The following ARID1B variants were observed in gnomAD, a reference collection of about 807,000 sequenced individuals.
ARID1B encodes AT-rich interactive domain-containing protein 1B.
A neutral mutation model predicts 212.3 loss-of-function variants in ARID1B; 30 were observed. That is an observed-to-expected ratio of 0.14 (90% CI 0.11 to 0.19). The LOEUF is 0.19. ARID1B is among the 10% of genes least tolerant of loss of function. The pLI, the probability that ARID1B is intolerant of heterozygous loss-of-function variation, is 1.00. For missense variants in ARID1B, 2,891 were observed against 3,204.0 expected (o/e 0.90, Z 2.36); for synonymous variants, 1,402 against 1,301.7 (o/e 1.08, Z -1.66).
intron 4 of ARID1B, among the ~76,000 whole-genome samples, chr6:157,013,280 C>G (rs1779721116): frequency 6.6e-6 from 1 of 152,208 alleles, no homozygotes; most frequent in African/African-American, 2.4e-5. Context: ...AGCTCAGTCC[C>G]AACCTAAGTT....
intron 5 of ARID1B, among the ~76,000 whole-genome samples, chr6:157,092,583 A>G (rs1326208035): frequency 6.6e-6 from 1 of 152,240 alleles, no homozygotes; most frequent in Non-Finnish European, 1.5e-5. Flanking sequence ...AATCTTTTCA[A>G]TCTTTCATTC....
At chr6:157,154,101 A>T (rs538932958) in intron 8 of ARID1B, among the ~76,000 whole-genome samples, 17 of 152,344 alleles carry the variant, frequency 1.1e-4, no homozygotes, top group African/African-American at 3.8e-4. Context: ...GCTCTTCAAA[A>T]TACAACTGAT....
In ARID1B at chr6:156,935,543, C is replaced by A; in HGVS notation, c.2214C>A (p.Asn738Lys). The A allele has an allele frequency of 6.2e-7, 1 of 1,613,340 alleles. No homozygotes were observed. The highest frequency in any genetic ancestry group is 8.5e-7 in the Non-Finnish European group (1 of 1,179,390). Residue 738 changes from asparagine (N) to lysine (K), a missense_variant, in exon 4 of 20, where the codon AAC (asparagine) becomes AAA (lysine). Physicochemically the swap from Asn to Lys is moderately conservative, Grantham distance 94. Around this residue, in one of 7 missense-constraint regions of ARID1B, gnomAD observed 1,643 missense variants for 1,544.0 expected, o/e 1.06. Transcript: ENST00000636930. ...GAAAACCTAACCATGAAGACTTGAACTTAATACAGCAAGAAAGACCATCAA... is the reference window on the plus strand; with the variant it reads ...GAAAACCTAACCATGAAGACTTGAAATTAATACAGCAAGAAAGACCATCAA... ...APGKPNHEDL[N>K]LIQQERPSSL... is the part of the protein sequence containing the mutation.
In ARID1B at chr6:157,206,685, C is replaced by T; in HGVS notation, c.5913C>T (p.Pro1971=). 1 of 1,612,932 alleles carries T rather than the reference C, an allele frequency of 6.2e-7. No individual in the cohort carries two copies. The highest frequency in any genetic ancestry group is 8.5e-7 in the Non-Finnish European group (1 of 1,180,012). ...MEIPPRRRPP[P]PLSSAGRKKE... is the part of the protein sequence containing the mutation. ...TTCCTCCTCGCAGGCGCCCACCTCC[C>T]CCCTTAAGCTCCGCAGGTAGAAAGA... The change falls in exon 20 of 20, where the codon CCC becomes CCT. Residue 1971 remains proline (P), a synonymous_variant. Coordinates refer to ENST00000636930, the MANE Select transcript of ARID1B (RefSeq NM_001374828.1). The surrounding 1 kb of genome is among the most constrained non-coding windows in gnomAD (Gnocchi z 6.8).
intron 2 of ARID1B, among the ~76,000 whole-genome samples, chr6:156,867,841 G>T (rs1436898393): frequency 3.3e-5 from 5 of 152,152 alleles, no homozygotes; most frequent in African/African-American, 7.2e-5. Flanking sequence ...CTCCTCTACC[G>T]ATCAAATAAG....
intron 5 of ARID1B, among the ~76,000 whole-genome samples, chr6:157,096,191 C>G (rs1041389656): frequency 6.6e-6 from 1 of 152,220 alleles, no homozygotes; most frequent in African/African-American, 2.4e-5. Flanking sequence ...AGCTCTCCCT[C>G]AGGGCTGCCC....
chr6:157,128,330 G>A (rs1050220512), intron 6 of ARID1B, among the ~76,000 whole-genome samples: 10 of 152,054 alleles, frequency 6.6e-5, no homozygotes, highest in Admixed American at 2.6e-4. Context: ...GTCTTCTCAC[G>A]TGTAACCTTT....
At chr6:157,125,461 C>G (rs574142582) in intron 6 of ARID1B, among the ~76,000 whole-genome samples, 1 of 152,300 alleles carries the variant, frequency 6.6e-6, no homozygotes, top group South Asian at 2.1e-4. Context: ...CAGCTGAATG[C>G]AGGAACTTTA....
chr6:156,851,338 A>C (rs1363376937), intron 2 of ARID1B, among the ~76,000 whole-genome samples: 1 of 152,124 alleles, frequency 6.6e-6, no homozygotes. Flanking sequence ...AGCATTCTCT[A>C]TTTTCTGCTT....
chr6:157,174,749 A>AT, intron 10 of ARID1B, 98 bp from the exon 11 acceptor site: 1 of 438,844 alleles, frequency 2.3e-6, no homozygotes, highest in Non-Finnish European at 3.5e-6. Flanking sequence ...TAATATATAT[A>AT]AAAAAATTAG....
rs527999983 is a variant in ARID1B at position 156,813,127 on chromosome 6, C to T, written c.1792-16100C>T. 2.2e-4 allele frequency among the ~76,000 whole-genome samples: 30 copies of T among 139,036 alleles called. 2 individuals are homozygous for T. The South Asian group carries it at 5.5e-3, about 26-fold the overall frequency. The allele number at this position is 139,036 out of a possible 152,430, so 91.2% of individuals were successfully genotyped here. The stretch of plus-strand genomic sequence containing the variant: ...ATATATATTTTTTTTTTTTTTGAGA[C>T]GGAGTCTCGCACTGTTGCCAGGCTG... On this transcript the variant is annotated intron_variant, in intron 1 of 19. Coordinates refer to ENST00000636930, the MANE Select transcript of ARID1B (RefSeq NM_001374828.1).
At position 156,778,198 on chromosome 6, in the gene ARID1B, C is replaced by CCCA. The variant is rs754114025; in HGVS notation, c.534_536dup (p.His179dup). 122 of 1,538,210 alleles carry CCCA rather than the reference C, an allele frequency of 7.9e-5. No individual in the cohort carries two copies. The highest frequency in any genetic ancestry group is 9.4e-5 in the Non-Finnish European group (108 of 1,145,198). On this transcript the variant is annotated inframe_insertion, in exon 1 of 20. Coordinates refer to ENST00000636930, the MANE Select transcript of ARID1B (RefSeq NM_001374828.1). Reference sequence around the variant, plus strand: ...CAGCAGCACCACCACCACCACCATGCCCACCACCACCACCACCATGCCCAC... The same window carrying CCCA: ...CAGCAGCACCACCACCACCACCATGCCCACCACCACCACCACCACCATGCCCAC...
chr6:157,133,350 C>A, intron 7 of ARID1B, 143 bp downstream of exon 7: 1 of 920,396 alleles, frequency 1.1e-6, no homozygotes, highest in Non-Finnish European at 1.6e-6. Context: ...TTCATACAAG[C>A]CCACAGTACT....
intron 2 of ARID1B, among the ~76,000 whole-genome samples, chr6:156,838,216 C>T (rs1783644846): frequency 6.6e-6 from 1 of 152,066 alleles, no homozygotes; most frequent in Non-Finnish European, 1.5e-5. Flanking sequence ...GGATCCAAGT[C>T]AAGATCTATA....
rs552395501 is a variant in ARID1B, at chr6:156,888,174, T to G, written c.1987-13202T>G. Among the ~76,000 whole-genome samples, 8 of 152,352 alleles carry G rather than the reference T, an allele frequency of 5.3e-5. No homozygotes were observed. In the East Asian group the frequency reaches 1.5e-3, roughly 29 times the overall value. ...GGCACATTCATTTTGGCAGCTGGGT[T>G]TATATAGGAAAGTGGTAAAGCTCTT... On this transcript the variant is annotated intron_variant, in intron 2 of 19. Transcript: ENST00000636930.
chr6:156,802,131 G>A (rs935731446), intron 1 of ARID1B, among the ~76,000 whole-genome samples: 5 of 152,166 alleles, frequency 3.3e-5, no homozygotes, highest in Non-Finnish European at 5.9e-5. Flanking sequence ...TTGTCTTCAC[G>A]AGGAGACCTC....
rs1554247377 is a variant in ARID1B, at chr6:156,778,292, A to AGCAG, written c.612_613insGCAG (p.Gln205AlafsTer111). The stretch of plus-strand genomic sequence containing the variant: ...TCCAGCAGCAGCAGCAGCAGCAGCA[A>AGCAG]CAGCAGCAGCAGCAGCAGCAGCAAC... On this transcript the variant is annotated frameshift_variant, in exon 1 of 20. Coordinates refer to ENST00000636930, the MANE Select transcript of ARID1B (RefSeq NM_001374828.1). LOFTEE classifies it high-confidence loss of function. 136 of 1,518,354 alleles carry AGCAG rather than the reference A, an allele frequency of 9.0e-5. No individual in the cohort carries two copies. Among genetic ancestry groups the AGCAG allele is most frequent in the African/African-American group, 4.3e-4 (28 of 64,496 alleles). The allele number at this position is 1,518,354 out of a possible 1,614,324, so 94.1% of individuals were successfully genotyped here.
chr6:157,076,547 C>CTTTTTTTTTTTTTTTTTTTTTT (rs767248750), intron 4 of ARID1B, among the ~76,000 whole-genome samples: 17 of 149,246 alleles, frequency 1.1e-4, no homozygotes, highest in Non-Finnish European at 2.0e-4. Context: ...AGGCTCATGC[C>CTTTTTTTTTTTTTTTTTTTTTT]TTTTTATTGT....
chr6:156,796,401 C>CTTTTTTT (rs11449405), intron 1 of ARID1B, among the ~76,000 whole-genome samples: 1 of 142,242 alleles, frequency 7.0e-6, no homozygotes. Flanking sequence ...TGGACCTTTA[C>CTTTTTTT]TTTTTTTTTT....
Sources: gnomAD v4.1 joint callset for allele counts (sites outside exome capture counted in the v4.1 genomes callset) on GRCh38, gnomAD v4.1.1 for gene constraint, gnomAD v4.1.1 regional missense constraint, Gnocchi (gnomAD v3.1) non-coding constraint, MANE v1.5 for transcripts, NCBI Gene and HGNC (gene_info 2026-07-23, HGNC 2026-07-21) for gene names.